Variants in CSMD1 observed in about 807,000 individuals in gnomAD.
The protein encoded by CSMD1 is CUB and Sushi multiple domains 1, also known as CUB and sushi domain-containing protein 1.
Under a neutral mutation model 417.5 loss-of-function variants are expected in CSMD1, and 213 were observed. The ratio of observed to expected loss-of-function variants is 0.51; its 90% CI spans 0.46 to 0.57. CSMD1 has a LOEUF of 0.57. CSMD1 is among the 20% of genes least tolerant of loss of function. The probability of loss-of-function intolerance (pLI) is 0.00; values close to 1 mark genes in which losing one functional copy is unlikely to be tolerated. For synonymous variants in CSMD1, 2,862 were observed against 1,736.8 expected, an observed-to-expected ratio of 1.65 and a Z score of -16.11; for missense variants, 6,923 against 4,529.7, an observed-to-expected ratio of 1.53 and a Z score of -15.17.
In CSMD1 at chr8:4,730,997, G is replaced by A. The variant is rs2061283; in HGVS notation, c.86-93439C>T. Among the ~76,000 whole-genome samples, 98 of 151,988 alleles carry A rather than the reference G, an allele frequency of 6.4e-4. 1 individual carries two copies. The highest frequency in any genetic ancestry group is 2.3e-3 in the African/African-American group (95 of 41,508). The stretch of plus-strand genomic sequence containing the variant: ...ATTTAGGAAGGCTTGGGAGTTCTAT[G>A]TCATGGTTTTAAAGTTCTAGGCCCA... On this transcript the variant is annotated intron_variant, in intron 1 of 69. Coordinates refer to ENST00000635120, the MANE Select transcript of CSMD1 (RefSeq NM_033225.6).
intron 11 of CSMD1, among the ~76,000 whole-genome samples, chr8:3,475,226 C>A (rs1001208292): frequency 6.6e-6 from 1 of 152,146 alleles, no homozygotes; most frequent in Non-Finnish European, 1.5e-5. Flanking sequence ...GAATCCTTCA[C>A]GCAATTCAGT....
At chr8:4,809,022 G>A (rs1798747247) in intron 1 of CSMD1, among the ~76,000 whole-genome samples, 1 of 152,126 alleles carries the variant, frequency 6.6e-6, no homozygotes, top group Non-Finnish European at 1.5e-5. Flanking sequence ...GAGTTGTCTT[G>A]CCGAGTTTTA....
chr8:3,454,579 T>C (rs1300405539), intron 12 of CSMD1, among the ~76,000 whole-genome samples: 1 of 152,206 alleles, frequency 6.6e-6, no homozygotes, highest in Non-Finnish European at 1.5e-5. Context: ...AGAAACTTAG[T>C]TTGGCTGGAT....
intron 3 of CSMD1, among the ~76,000 whole-genome samples, chr8:4,237,177 C>T (rs556520928): frequency 3.9e-5 from 6 of 152,302 alleles, no homozygotes; most frequent in Admixed American, 2.6e-4. Flanking sequence ...AAGCTCCCTT[C>T]GCCTTTCCAT....
chr8:3,567,746 T>C (rs1799775544), intron 10 of CSMD1, among the ~76,000 whole-genome samples: 1 of 152,182 alleles, frequency 6.6e-6, no homozygotes, highest in Non-Finnish European at 1.5e-5. Flanking sequence ...CTCCACATCC[T>C]CTGAGACCTC....
intron 1 of CSMD1, among the ~76,000 whole-genome samples, chr8:4,672,052 C>A (rs1219729190): frequency 6.6e-6 from 1 of 152,090 alleles, no homozygotes; most frequent in Non-Finnish European, 1.5e-5. Context: ...CAGTCCTGTA[C>A]CTTTTGTTGA....
intron 37 of CSMD1, among the ~76,000 whole-genome samples, chr8:3,162,856 G>T (rs1328118979): frequency 6.6e-6 from 1 of 152,058 alleles, no homozygotes; most frequent in Non-Finnish European, 1.5e-5. Flanking sequence ...CTGTAATCCT[G>T]CACTTTCCTA....
intron 54 of CSMD1, among the ~76,000 whole-genome samples, chr8:2,994,739 C>G (rs944289515): frequency 6.6e-6 from 1 of 152,100 alleles, no homozygotes; most frequent in East Asian, 1.9e-4. Flanking sequence ...TTATAGACAT[C>G]TTTATCATTC....
At chr8:4,036,179 G>C (rs1423973608) in intron 3 of CSMD1, among the ~76,000 whole-genome samples, 1 of 152,174 alleles carries the variant, frequency 6.6e-6, no homozygotes, top group Non-Finnish European at 1.5e-5. Context: ...AGTGTGCTCT[G>C]TGATGTTTGC....
intron 7 of CSMD1, among the ~76,000 whole-genome samples, chr8:3,692,369 C>G (rs143312762): frequency 3.3e-5 from 5 of 152,300 alleles, no homozygotes; most frequent in Admixed American, 2.0e-4. Context: ...AAGAGACTCG[C>G]TGCTTTCTGT....
At chr8:4,214,787 T>C (rs1800534024) in intron 3 of CSMD1, among the ~76,000 whole-genome samples, 1 of 152,198 alleles carries the variant, frequency 6.6e-6, no homozygotes. Flanking sequence ...ACATTTCAAA[T>C]GTAGTATAAC....
chr8:3,699,362 T>G (rs1800724603), intron 7 of CSMD1, among the ~76,000 whole-genome samples: 1 of 152,232 alleles, frequency 6.6e-6, no homozygotes, highest in Non-Finnish European at 1.5e-5. Context: ...ATGAATTATT[T>G]AATTATTTGT....
chr8:4,120,276 T>A (rs907720178), intron 3 of CSMD1, among the ~76,000 whole-genome samples: 2 of 149,820 alleles, frequency 1.3e-5, no homozygotes, highest in African/African-American at 4.8e-5. Context: ...TAAAGAAGGG[T>A]TTTCACCTTT....
chr8:2,957,775 T>C lies in CSMD1; in HGVS notation c.9735A>G (p.Lys3245=). 1 of 1,593,370 alleles carries C rather than the reference T, an allele frequency of 6.3e-7. No homozygotes were observed. Among genetic ancestry groups the C allele is most frequent in the East Asian group, 2.3e-5 (1 of 44,264 alleles). Residue 3245 remains lysine (K), a synonymous_variant, in exon 63 of 70, where the codon AAA becomes AAG. Transcript: ENST00000635120. The part of the protein sequence containing the change: ...VGSTVFFRCR[K]GYHIQGSTTR... ...TCGTGGAACCTTGAATATGGTAGCC[T>C]TTTCTGCACCTGAAAAAAACCGTGC...
intron 1 of CSMD1, among the ~76,000 whole-genome samples, chr8:4,709,726 G>T (rs1286884017): frequency 6.6e-6 from 1 of 152,202 alleles, no homozygotes; most frequent in Non-Finnish European, 1.5e-5. Context: ...AGCATAGCAG[G>T]AAGGCTGGGT....
intron 3 of CSMD1, among the ~76,000 whole-genome samples, chr8:4,389,578 T>A (rs1448819326): frequency 6.6e-6 from 1 of 152,186 alleles, no homozygotes; most frequent in Non-Finnish European, 1.5e-5. Flanking sequence ...AAGAGATGTT[T>A]AAGAAATAAA....
chr8:3,172,955 C>T (rs1249622561), intron 37 of CSMD1, among the ~76,000 whole-genome samples: 1 of 152,144 alleles, frequency 6.6e-6, no homozygotes, highest in Admixed American at 6.5e-5. Flanking sequence ...TAGGACCTAC[C>T]ACTGAAATAA....
chr8:3,683,952 A>G (rs1799801261), intron 7 of CSMD1, among the ~76,000 whole-genome samples: 1 of 151,940 alleles, frequency 6.6e-6, no homozygotes. Flanking sequence ...AGGACAATGC[A>G]CACCTTTTGC....
In CSMD1 at chr8:4,031,917, G is replaced by C. The variant is rs750457523; in HGVS notation, c.598C>G (p.Pro200Ala). ...GNGASWDFPAPFCRAEGACGG... is the reference protein window; with the variant it reads ...GNGASWDFPAAFCRAEGACGG... Reference sequence around the variant, plus strand: ...TGTAGCACTGTACCTCTGCAAAAGGGAGCTGGGAAGTCCCACGATGCACCA... The same window carrying C: ...TGTAGCACTGTACCTCTGCAAAAGGCAGCTGGGAAGTCCCACGATGCACCA... The change falls in exon 4 of 70, where the codon CCC becomes GCC. Residue 200 changes from proline to alanine, a missense_variant. Coordinates refer to ENST00000635120, the MANE Select transcript of CSMD1 (RefSeq NM_033225.6). 6.2e-7 allele frequency: 1 copy of C among 1,613,400 alleles called. No homozygotes were observed. Among genetic ancestry groups the C allele is most frequent in the African/African-American group, 1.3e-5 (1 of 74,998 alleles).
Sources: allele counts gnomAD v4.1 joint callset (sites outside exome capture counted in the v4.1 genomes callset), GRCh38; gene constraint gnomAD v4.1.1; transcripts MANE v1.5; gene names NCBI Gene and HGNC (gene_info 2026-07-23, HGNC 2026-07-21).